Variants in TSNARE1 observed in about 807,000 individuals in gnomAD.
TSNARE1 encodes the protein t-SNARE domain containing 1.
A neutral mutation model predicts 62.0 loss-of-function variants in TSNARE1; 49 were observed. That is an observed-to-expected ratio of 0.79 (90% CI 0.63 to 1.00). The LOEUF (loss-of-function observed/expected upper bound fraction) is 1.00, where lower values mean the gene tolerates loss of function less well. Among genes scored for constraint, TSNARE1 ranks in the 50% least tolerant of loss-of-function variants. The pLI, the probability that TSNARE1 is intolerant of heterozygous loss-of-function variation, is 0.00. For missense variants in TSNARE1, 755 were observed against 700.1 expected (o/e 1.08, Z -0.88); for synonymous variants, 328 against 294.4 (o/e 1.11, Z -1.17).
chr8:142,356,667 C>A (rs189276263), intron 1 of TSNARE1, among the ~76,000 whole-genome samples: 5 of 152,284 alleles, frequency 3.3e-5, no homozygotes, highest in Admixed American at 2.0e-4. Context: ...ACACTTGGCG[C>A]GTGACGACAA....
chr8:142,244,517 C>T (rs543362392), intron 12 of TSNARE1, among the ~76,000 whole-genome samples: 7 of 152,350 alleles, frequency 4.6e-5, no homozygotes, highest in Admixed American at 3.9e-4. Context: ...CAAGAAGACT[C>T]ACCATCGTGA....
chr8:142,345,182 C>G (rs889160170), intron 3 of TSNARE1, among the ~76,000 whole-genome samples: 2 of 152,234 alleles, frequency 1.3e-5, no homozygotes, highest in Non-Finnish European at 2.9e-5. Flanking sequence ...CTAACCGGAC[C>G]AGCTTCCTGA....
intron 1 of TSNARE1, among the ~76,000 whole-genome samples, chr8:142,374,679 CA>C (rs1219756682): frequency 0.023 from 1,354 of 59,352 alleles, 7 homozygotes; most frequent in Middle Eastern, 0.078. Flanking sequence ...GACGCTGTCT[CA>C]AAAAAAAAAA....
intron 1 of TSNARE1, among the ~76,000 whole-genome samples, chr8:142,384,960 A>G (rs1837013544): frequency 6.6e-6 from 1 of 152,252 alleles, no homozygotes; most frequent in South Asian, 2.1e-4. Context: ...ATCCACAATA[A>G]GTAAAGAATT....
intron 11 of TSNARE1, chr8:142,276,983 G>A: frequency 2.0e-6 from 2 of 985,482 alleles, no homozygotes; most frequent in Non-Finnish European, 2.4e-6. Context: ...ACAAGGGGAG[G>A]GGGGCTGCTC....
At chr8:142,269,786 G>C in intron 12 of TSNARE1, 1 of 985,466 alleles carries the variant, frequency 1.0e-6, no homozygotes, top group Non-Finnish European at 1.2e-6. Flanking sequence ...ACCAACAGCA[G>C]CACCATGCGC....
intron 1 of TSNARE1, among the ~76,000 whole-genome samples, chr8:142,389,587 A>G (rs1837342114): frequency 6.6e-6 from 1 of 152,228 alleles, no homozygotes; most frequent in Admixed American, 6.5e-5. Context: ...CCAAAGGCCT[A>G]TGAAATCAGT....
At chr8:142,234,496 C>G (rs1224117629) in intron 12 of TSNARE1, among the ~76,000 whole-genome samples, 1 of 151,716 alleles carries the variant, frequency 6.6e-6, no homozygotes, top group Non-Finnish European at 1.5e-5. Flanking sequence ...TCCAAGATAG[C>G]TCCATGACCC....
At chr8:142,356,399 CAGT>C in intron 1 of TSNARE1, among the ~76,000 whole-genome samples, 1 of 152,320 alleles carries the variant, frequency 6.6e-6, no homozygotes, top group African/African-American at 2.4e-5. Flanking sequence ...AGTTAGGTCT[CAGT>C]AGGAGGCAGG....
intron 5 of TSNARE1, among the ~76,000 whole-genome samples, chr8:142,331,315 G>A (rs1046923238): frequency 3.7e-4 from 56 of 152,326 alleles, no homozygotes; most frequent in African/African-American, 7.0e-4. Flanking sequence ...TCCCCTGGCC[G>A]TGGCTCTCAT....
At chr8:142,324,115 A>G (rs550849770) in intron 6 of TSNARE1, among the ~76,000 whole-genome samples, 50 of 152,340 alleles carry the variant, frequency 3.3e-4, no homozygotes, top group Non-Finnish European at 5.0e-4. Context: ...GCCCGGAACC[A>G]TAAGACCCAT....
chr8:142,397,909 G>A (rs188066536), intron 1 of TSNARE1, among the ~76,000 whole-genome samples: 1 of 152,260 alleles, frequency 6.6e-6, no homozygotes, highest in East Asian at 1.9e-4. Flanking sequence ...GTGTGGCACT[G>A]CTCCACCCAG....
chr8:142,237,601 G>A (rs998444231), intron 12 of TSNARE1, among the ~76,000 whole-genome samples: 2 of 152,204 alleles, frequency 1.3e-5, no homozygotes, highest in African/African-American at 4.8e-5. Context: ...GAGGATGGCA[G>A]AGATGACTGC....
chr8:142,342,512 G>C (rs1832720971), intron 4 of TSNARE1, among the ~76,000 whole-genome samples: 1 of 152,132 alleles, frequency 6.6e-6, no homozygotes, highest in Non-Finnish European at 1.5e-5. Flanking sequence ...TCCCGGGGCA[G>C]GGCATGTCCA....
At chr8:142,289,988 TG>T (rs1314129364) in intron 10 of TSNARE1, among the ~76,000 whole-genome samples, 1 of 152,094 alleles carries the variant, frequency 6.6e-6, no homozygotes, top group Non-Finnish European at 1.5e-5. Flanking sequence ...GCAGCTAGCA[TG>T]GGTGGGTCCC....
chr8:142,297,097 C>A (rs1280154692), intron 10 of TSNARE1, among the ~76,000 whole-genome samples: 3 of 152,234 alleles, frequency 2.0e-5, no homozygotes, highest in Non-Finnish European at 4.4e-5. Flanking sequence ...TGAGGCAAAT[C>A]GGGGTTCAAG....
intron 12 of TSNARE1, among the ~76,000 whole-genome samples, chr8:142,234,833 G>T (rs1464907611): frequency 1.3e-5 from 2 of 151,980 alleles, no homozygotes; most frequent in Non-Finnish European, 2.9e-5. Context: ...GGCTCACCCT[G>T]GCTCCACCTC....
intron 9 of TSNARE1, among the ~76,000 whole-genome samples, chr8:142,305,169 C>T (rs917025462): frequency 1.3e-5 from 2 of 152,170 alleles, no homozygotes; most frequent in African/African-American, 4.8e-5. Context: ...GGAGAAGGCA[C>T]CACAGGACGT....
intron 11 of TSNARE1, among the ~76,000 whole-genome samples, chr8:142,280,584 T>C (rs1386101620): frequency 6.6e-6 from 1 of 152,066 alleles, no homozygotes; most frequent in African/African-American, 2.4e-5. Context: ...CCCTGGTTTG[T>C]CCCCCTCCCC....
Sources: gnomAD v4.1 joint callset for allele counts (sites outside exome capture counted in the v4.1 genomes callset) on GRCh38, gnomAD v4.1.1 for gene constraint, MANE v1.5 for transcripts, NCBI Gene and HGNC (gene_info 2026-07-23, HGNC 2026-07-21) for gene names.